KLHL24: variants seen among roughly 807,000 people sequenced by gnomAD.
The protein encoded by KLHL24 is kelch-like protein 24.
In KLHL24, 29 loss-of-function variants were observed where a neutral mutation model predicts 53.4. That is an observed-to-expected ratio of 0.54 (90% CI 0.40 to 0.74). The LOEUF (loss-of-function observed/expected upper bound fraction) is 0.74. Ranked by LOEUF, KLHL24 falls within the 30% of genes least tolerant of loss-of-function variation. The pLI, the probability that KLHL24 is intolerant of heterozygous loss-of-function variation, is 0.00. For synonymous variants in KLHL24, 222 were observed against 253.7 expected, an observed-to-expected ratio of 0.88 and a Z score of 1.19; for missense variants, 504 against 744.0, an observed-to-expected ratio of 0.68 and a Z score of 3.75.
chr3:183,647,013 C>T (rs577770539), intron 2 of KLHL24, among the ~76,000 whole-genome samples: 5 of 148,710 alleles, frequency 3.4e-5, no homozygotes, highest in African/African-American at 5.0e-5. Flanking sequence ...CGGGGTTTCA[C>T]TGTTAGCTAG....
At chr3:183,659,394 G>C (rs1719374204) in intron 3 of KLHL24, among the ~76,000 whole-genome samples, 1 of 152,106 alleles carries the variant, frequency 6.6e-6, no homozygotes, top group African/African-American at 2.4e-5. Flanking sequence ...AAAATTAGCT[G>C]GGCATGGTGG....
chr3:183,655,713 A>G (rs1718757752), intron 3 of KLHL24, among the ~76,000 whole-genome samples: 1 of 152,120 alleles, frequency 6.6e-6, no homozygotes, highest in African/African-American at 2.4e-5. Flanking sequence ...TCACTAAGTC[A>G]GGAGATTGAG....
intron 7 of KLHL24, among the ~76,000 whole-genome samples, chr3:183,674,236 G>A (rs999980332): frequency 7.6e-6 from 1 of 132,266 alleles, no homozygotes. Flanking sequence ...AGCTCATTTA[G>A]CATCAATTTT....
chr3:183,650,716 T>C lies in KLHL24; in HGVS notation c.360T>C (p.Phe120=). ...NGILAEAMEC[F]LQYVYTGKVK... ...TTTTAGCTGAAGCTATGGAATGTTT[T>C]TTGCAGTATGTTTATACTGGAAAGG... Residue 120 remains phenylalanine (F), a synonymous_variant, in exon 3 of 8, where the codon TTT becomes TTC. Coordinates refer to ENST00000242810, the MANE Select transcript of KLHL24 (RefSeq NM_017644.3). This position sits in a 1 kb window ranked among gnomAD's most constrained non-coding sequence, Gnocchi z 4.5. The C allele has an allele frequency of 6.2e-7, 1 of 1,614,022 alleles. No homozygotes were observed. The highest frequency in any genetic ancestry group is 8.5e-7 in the Non-Finnish European group (1 of 1,179,994).
In KLHL24 at chr3:183,681,656, ATAAC is replaced by A. The variant is rs536143783; in HGVS notation, c.*2373_*2376del. On this transcript the variant is annotated 3_prime_UTR_variant, in exon 8 of 8. Coordinates refer to ENST00000242810, the MANE Select transcript of KLHL24 (RefSeq NM_017644.3). ...TTAGGTTGAATCTTAGAAAATTTAA[ATAAC>A]TATTTTTAAAGTTACCCAACTTAAT... 28 of 152,444 alleles carry A rather than the reference ATAAC, an allele frequency of 1.8e-4. No individual in the cohort carries two copies. Among genetic ancestry groups the A allele is most frequent in the Middle Eastern group, 3.5e-3 (1 of 288 alleles). 9.4% of individuals were successfully genotyped at this position (152,444 alleles called of 1,614,324 possible).
chr3:183,664,525 A>G (rs1720247712), intron 4 of KLHL24, among the ~76,000 whole-genome samples: 1 of 152,162 alleles, frequency 6.6e-6, no homozygotes, highest in East Asian at 1.9e-4. Context: ...TGAGAAATAT[A>G]ACAATACATA....
intron 4 of KLHL24, among the ~76,000 whole-genome samples, chr3:183,664,601 A>G (rs758011212): frequency 6.6e-6 from 1 of 152,138 alleles, no homozygotes; most frequent in Non-Finnish European, 1.5e-5. Flanking sequence ...CTTTAGAATA[A>G]TACCATTATT....
At chr3:183,664,140 G>A (rs548179472) in intron 4 of KLHL24, 1 of 152,138 alleles carries the variant, frequency 6.6e-6, no homozygotes, top group East Asian at 1.9e-4. Context: ...ACAGGTACAA[G>A]ATGACATGGA....
chr3:183,677,982 G>C (rs1232520645), intron 7 of KLHL24, among the ~76,000 whole-genome samples: 2 of 152,026 alleles, frequency 1.3e-5, no homozygotes, highest in African/African-American at 2.4e-5. Flanking sequence ...TAGTAGAGAT[G>C]GTGTTTCACT....
chr3:183,642,705 T>C (rs1175085877), intron 1 of KLHL24, among the ~76,000 whole-genome samples: 2 of 150,224 alleles, frequency 1.3e-5, no homozygotes, highest in African/African-American at 2.4e-5. Flanking sequence ...AGAAGAAATA[T>C]ACATTTATAT....
intron 6 of KLHL24, among the ~76,000 whole-genome samples, chr3:183,671,479 A>C (rs1721316303): frequency 6.6e-6 from 1 of 152,228 alleles, no homozygotes; most frequent in Non-Finnish European, 1.5e-5. Flanking sequence ...CTACTAAATA[A>C]ATTGTTCTGA....
chr3:183,672,267 T>G (rs779583942), intron 6 of KLHL24, 29 bp from the exon 7 acceptor site: 1 of 1,246,640 alleles, frequency 8.0e-7, no homozygotes, highest in East Asian at 2.7e-5. Context: ...GTTTAGAAAT[T>G]TTAATTATAT....
intron 3 of KLHL24, among the ~76,000 whole-genome samples, chr3:183,656,790 T>C (rs923815498): frequency 6.6e-6 from 1 of 151,592 alleles, no homozygotes; most frequent in African/African-American, 2.4e-5. Context: ...CCGGGCGCAG[T>C]GGCTCACGCC....
In KLHL24 at chr3:183,649,807, G is replaced by C. The variant is rs528592791; in HGVS notation, c.-61-489G>C. ...GCTACTCAGGAGGCTGAGGCAGGAAGATCGCTTGAGCCTAGGAGTTTGAGG... is the reference window on the plus strand; with the variant it reads ...GCTACTCAGGAGGCTGAGGCAGGAACATCGCTTGAGCCTAGGAGTTTGAGG... On this transcript the variant is annotated intron_variant, in intron 2 of 7. Coordinates refer to ENST00000242810, the MANE Select transcript of KLHL24 (RefSeq NM_017644.3). Among the ~76,000 whole-genome samples, 5 of 152,178 alleles carry C rather than the reference G, an allele frequency of 3.3e-5. No homozygotes were observed. In the South Asian group the frequency reaches 1.0e-3, roughly 32 times the overall value.
intron 1 of KLHL24, among the ~76,000 whole-genome samples, chr3:183,636,883 C>T (rs1462153332): frequency 1.3e-5 from 2 of 152,100 alleles, no homozygotes; most frequent in African/African-American, 4.8e-5. Context: ...GCCGCCGCCG[C>T]CGCTGCTGCT....
At chr3:183,637,747 C>T (rs186434983) in intron 1 of KLHL24, among the ~76,000 whole-genome samples, 1 of 152,316 alleles carries the variant, frequency 6.6e-6, no homozygotes, top group African/African-American at 2.4e-5. Context: ...CAATCTCCGC[C>T]TCCCGAGTTC....
rs1721462587 is a variant in KLHL24 at position 183,672,504 on chromosome 3, C to CTTTT, written c.1602+20_1602+21insTTTT. 2 of 1,529,832 alleles carry CTTTT rather than the reference C, an allele frequency of 1.3e-6. No individual in the cohort carries two copies. Among genetic ancestry groups the CTTTT allele is most frequent in the Non-Finnish European group, 1.8e-6 (2 of 1,128,758 alleles). 94.8% of individuals were successfully genotyped at this position (1,529,832 alleles called of 1,614,324 possible). ...CGTCAGGTAATAACATAAAGCAGTA[C>CTTTT]AAAAGAAAAATAAATCTAAGAGGGA... On this transcript the variant is annotated intron_variant, in intron 7 of 7. Coordinates refer to ENST00000242810, the MANE Select transcript of KLHL24 (RefSeq NM_017644.3).
At chr3:183,646,055 G>A (rs71631240) in intron 2 of KLHL24, among the ~76,000 whole-genome samples, 1 of 145,322 alleles carries the variant, frequency 6.9e-6, no homozygotes, top group South Asian at 2.1e-4. Context: ...TTTTTGTTTT[G>A]TTTTTTTTTT....
At chr3:183,667,817 A>G (rs1047074934) in intron 5 of KLHL24, among the ~76,000 whole-genome samples, 2 of 152,076 alleles carry the variant, frequency 1.3e-5, no homozygotes, top group Admixed American at 6.6e-5. Flanking sequence ...CCTGGGCTCA[A>G]GTGATCCTTC....
Sources: gnomAD v4.1 joint callset for allele counts (sites outside exome capture counted in the v4.1 genomes callset) on GRCh38, gnomAD v4.1.1 for gene constraint, Gnocchi (gnomAD v3.1) non-coding constraint, MANE v1.5 for transcripts, NCBI Gene and HGNC (gene_info 2026-07-23, HGNC 2026-07-21) for gene names.